The following CAMTA1 variants were observed in gnomAD, a reference collection of about 807,000 sequenced individuals.
CAMTA1 encodes the protein calmodulin-binding transcription activator 1.
Under a neutral mutation model 170.9 loss-of-function variants are expected in CAMTA1, and 27 were observed. That is an observed-to-expected ratio of 0.16 (90% CI 0.12 to 0.22). The LOEUF (loss-of-function observed/expected upper bound fraction) is 0.22, where lower values mean the gene tolerates loss of function less well. Ranked by LOEUF, CAMTA1 falls within the 10% of genes least tolerant of loss-of-function variation. The pLI, the probability that CAMTA1 is intolerant of heterozygous loss-of-function variation, is 1.00. For missense variants in CAMTA1, 1,619 were observed against 2,217.2 expected, an observed-to-expected ratio of 0.73 and a Z score of 5.42; for synonymous variants, 833 against 891.5, an observed-to-expected ratio of 0.93 and a Z score of 1.17.
chr1:7,097,335 A>G (rs918211134), intron 4 of CAMTA1, among the ~76,000 whole-genome samples: 5 of 152,230 alleles, frequency 3.3e-5, no homozygotes, highest in African/African-American at 7.2e-5. Flanking sequence ...TGCATTGCAC[A>G]GCAGCAAGTT....
At chr1:7,309,081 T>C (rs1676036904) in intron 5 of CAMTA1, among the ~76,000 whole-genome samples, 1 of 152,210 alleles carries the variant, frequency 6.6e-6, no homozygotes, top group Non-Finnish European at 1.5e-5. Context: ...CTTTGCTCTG[T>C]AGTCTACCTT....
At chr1:6,930,520 A>G (rs1435077009) in intron 3 of CAMTA1, among the ~76,000 whole-genome samples, 1 of 152,194 alleles carries the variant, frequency 6.6e-6, no homozygotes, top group Non-Finnish European at 1.5e-5. Flanking sequence ...AAGTTCCTCC[A>G]GCCTCCTGGG....
At chr1:7,607,876 G>C (rs2095498218) in intron 6 of CAMTA1, among the ~76,000 whole-genome samples, 1 of 152,186 alleles carries the variant, frequency 6.6e-6, no homozygotes, top group Non-Finnish European at 1.5e-5. Context: ...ACTTTCTACT[G>C]ACCCCAGTTG....
chr1:7,047,677 C>T (rs1388711755), intron 3 of CAMTA1, among the ~76,000 whole-genome samples: 1 of 151,840 alleles, frequency 6.6e-6, no homozygotes, highest in Non-Finnish European at 1.5e-5. Context: ...GCCTCATTTC[C>T]TCCTGCTCAT....
intron 5 of CAMTA1, among the ~76,000 whole-genome samples, chr1:7,446,099 C>T (rs187246439): frequency 6.3e-4 from 95 of 151,842 alleles, no homozygotes; most frequent in African/African-American, 2.3e-3. Context: ...GCCCGCCGCT[C>T]ACCTTGCTGT....
intron 5 of CAMTA1, among the ~76,000 whole-genome samples, chr1:7,253,844 A>G (rs562840699): frequency 3.9e-5 from 6 of 152,162 alleles, no homozygotes; most frequent in African/African-American, 1.4e-4. Flanking sequence ...TTTAGCACAC[A>G]TCCTTCCTTC....
At position 7,588,934 on chromosome 1, in the gene CAMTA1, G is replaced by A. The variant is rs58025678; in HGVS notation, c.511-51466G>A. Among the ~76,000 whole-genome samples the A allele has an allele frequency of 7.2e-3, 1,103 of 152,330 alleles. 18 individuals carry two copies. Among genetic ancestry groups the A allele is most frequent in the African/African-American group, 0.026 (1,062 of 41,568 alleles). On this transcript the variant is annotated intron_variant, in intron 6 of 22. Coordinates refer to ENST00000303635, the MANE Select transcript of CAMTA1 (RefSeq NM_015215.4). The surrounding 1 kb of genome is among the most constrained non-coding windows in gnomAD (Gnocchi z 5.8). Reference sequence around the variant, plus strand: ...CTGCCACGATCAGGGAAGACTGATCGTGCTTGGATAAGTGCAGCTTAAAAT... The same window carrying A: ...CTGCCACGATCAGGGAAGACTGATCATGCTTGGATAAGTGCAGCTTAAAAT...
At chr1:7,382,187 A>T (rs1326765472) in intron 5 of CAMTA1, among the ~76,000 whole-genome samples, 1 of 152,208 alleles carries the variant, frequency 6.6e-6, no homozygotes, top group East Asian at 1.9e-4. Context: ...TGTAGGCTTC[A>T]CTCTGAGTGT....
At position 7,664,315 on chromosome 1, in the gene CAMTA1, G is replaced by A. The variant is rs765480694; in HGVS notation, c.1768G>A (p.Asp590Asn). ...GGAGCAGATGGACTTCAGCGCCATC[G>A]ACTCCAACAAGGACTACACGTCCAG... is the stretch of plus-strand genomic sequence containing the variant. ...TLEQMDFSAIDSNKDYTSSFS... is the reference protein window; with the variant it reads ...TLEQMDFSAINSNKDYTSSFS... The change falls in exon 9 of 23, where the codon GAC becomes AAC. Residue 590 changes from aspartate to asparagine, a missense_variant. By Grantham distance (23) the Asp-to-Asn change is conservative. Transcript: ENST00000303635. The A allele has an allele frequency of 3.7e-6, 6 of 1,613,176 alleles. No homozygotes were observed. The highest frequency in any genetic ancestry group is 1.7e-5 in the Admixed American group (1 of 60,014).
At chr1:7,489,840 G>A (rs1381268792) in intron 6 of CAMTA1, among the ~76,000 whole-genome samples, 1 of 152,176 alleles carries the variant, frequency 6.6e-6, no homozygotes, top group African/African-American at 2.4e-5. Context: ...AGACGAGGGT[G>A]GGACATGTCC....
intron 6 of CAMTA1, among the ~76,000 whole-genome samples, chr1:7,533,948 C>G (rs1183326095): frequency 2.0e-5 from 3 of 152,190 alleles, no homozygotes; most frequent in Non-Finnish European, 1.5e-5. Context: ...AAGAAAACGT[C>G]CAGGCTTCTT....
intron 5 of CAMTA1, among the ~76,000 whole-genome samples, chr1:7,465,430 G>T (rs1258804953): frequency 1.3e-5 from 2 of 152,066 alleles, no homozygotes; most frequent in African/African-American, 4.8e-5. Flanking sequence ...TTGGGGATCT[G>T]CCTTCAGCCG....
intron 11 of CAMTA1, among the ~76,000 whole-genome samples, chr1:7,715,733 ACT>A (rs1271942494): frequency 6.6e-6 from 1 of 152,038 alleles, no homozygotes; most frequent in African/African-American, 2.4e-5. Flanking sequence ...TCGGAGGATG[ACT>A]CTGGTCTAGG....
At chr1:7,657,145 C>T (rs918755363) in intron 7 of CAMTA1, among the ~76,000 whole-genome samples, 1 of 152,236 alleles carries the variant, frequency 6.6e-6, no homozygotes, top group African/African-American at 2.4e-5. Context: ...ATCCTGCCTG[C>T]CCCTGTCTTG....
chr1:6,830,163 C>T (rs1167296469), intron 3 of CAMTA1, among the ~76,000 whole-genome samples: 1 of 150,418 alleles, frequency 6.6e-6, no homozygotes, highest in Non-Finnish European at 1.5e-5. Context: ...TAGCCTCCCG[C>T]GTAGCTAGGA....
intron 2 of CAMTA1, among the ~76,000 whole-genome samples, chr1:6,821,832 A>T (rs1257470339): frequency 6.6e-6 from 1 of 152,178 alleles, no homozygotes; most frequent in Non-Finnish European, 1.5e-5. Flanking sequence ...ACATGAAAAC[A>T]GTAATTCTGC....
At chr1:7,686,027 T>C (rs1421018008) in intron 11 of CAMTA1, among the ~76,000 whole-genome samples, 4 of 152,198 alleles carry the variant, frequency 2.6e-5, no homozygotes, top group African/African-American at 4.8e-5. Flanking sequence ...TGCCACCACC[T>C]TAATTCAGCC....
chr1:7,730,788 A>G (rs1305225480), intron 11 of CAMTA1, among the ~76,000 whole-genome samples: 7 of 152,120 alleles, frequency 4.6e-5, no homozygotes, highest in Admixed American at 3.9e-4. Context: ...AGTCCCAGCT[A>G]CTTGGGTGGC....
chr1:6,893,687 T>C (rs1370265461), intron 3 of CAMTA1, among the ~76,000 whole-genome samples: 1 of 152,206 alleles, frequency 6.6e-6, no homozygotes, highest in Non-Finnish European at 1.5e-5. Context: ...GGTTCTTGGC[T>C]CTGTTGGCTG....
Sources: allele counts gnomAD v4.1 joint callset (sites outside exome capture counted in the v4.1 genomes callset), GRCh38; gene constraint gnomAD v4.1.1; non-coding constraint Gnocchi (gnomAD v3.1); transcripts MANE v1.5; gene names NCBI Gene and HGNC (gene_info 2026-07-23, HGNC 2026-07-21).